The following OR7E24 variants were observed in gnomAD, a reference collection of about 807,000 sequenced individuals.
OR7E24 encodes the protein olfactory receptor family 7 subfamily E member 24.
For missense variants in OR7E24, 385 were observed against 410.3 expected (o/e 0.94, Z 0.53); for synonymous variants, 130 against 157.5 (o/e 0.83, Z 1.31).
chr19:9,232,856 C>T, the OR7E24 span, among the ~76,000 whole-genome samples: 2 of 152,134 alleles, frequency 1.3e-5, no homozygotes, highest in Non-Finnish European at 2.9e-5. Context: ...TGACGGGTAC[C>T]ATGTACACCT....
the OR7E24 span, among the ~76,000 whole-genome samples, chr19:9,241,674 G>A: frequency 6.6e-6 from 1 of 152,308 alleles, no homozygotes; most frequent in East Asian, 1.9e-4. Context: ...TGAGGCAGGA[G>A]AATTGCTTGA....
the OR7E24 span, chr19:9,213,630 T>G: frequency 2.6e-6 from 1 of 386,820 alleles, no homozygotes; most frequent in Admixed American, 4.1e-5. Context: ...CTCAGCTACT[T>G]GAGAGGCTGA....
chr19:9,239,702 T>C, the OR7E24 span, among the ~76,000 whole-genome samples: 11 of 144,894 alleles, frequency 7.6e-5, no homozygotes, highest in Non-Finnish European at 3.0e-5. Flanking sequence ...TTTCTTTTTC[T>C]TTTTCTTTTT....
the OR7E24 span, chr19:9,212,223 A>G: frequency 1.3e-5 from 2 of 152,098 alleles, no homozygotes; most frequent in African/African-American, 4.8e-5. Context: ...TTTCTAAGTT[A>G]TTTTGTTTTA....
At chr19:9,214,048 C>G in the OR7E24 span, 2 of 1,614,114 alleles carry the variant, frequency 1.2e-6, no homozygotes, top group South Asian at 1.1e-5. Context: ...GAATGGGTCA[C>G]AGCAGAACTC....
chr19:9,247,014 A>G (rs774427516), upstream of OR7E24, among the ~76,000 whole-genome samples: 1 of 152,178 alleles, frequency 6.6e-6, no homozygotes, highest in Non-Finnish European at 1.5e-5. Context: ...TGTTGTATTT[A>G]CCATTTTATA....
the OR7E24 span, among the ~76,000 whole-genome samples, chr19:9,239,193 G>A: frequency 6.7e-6 from 1 of 149,234 alleles, no homozygotes; most frequent in Admixed American, 6.7e-5. Context: ...TTTTTGAGAT[G>A]GAGTCTTGCT....
the OR7E24 span, among the ~76,000 whole-genome samples, chr19:9,239,929 G>T: frequency 1.3e-5 from 2 of 151,748 alleles, no homozygotes; most frequent in East Asian, 3.9e-4. Flanking sequence ...GGCTGGTCTC[G>T]AACTGACCTC....
At chr19:9,216,484 C>T in the OR7E24 span, among the ~76,000 whole-genome samples, 20 of 152,292 alleles carry the variant, frequency 1.3e-4, no homozygotes, top group Admixed American at 1.2e-3. Context: ...AGTAAATACT[C>T]CCTATGTGGG....
chr19:9,237,043 C>G, the OR7E24 span, among the ~76,000 whole-genome samples: 2 of 152,310 alleles, frequency 1.3e-5, no homozygotes, highest in Admixed American at 1.3e-4. Context: ...CCACTACTAA[C>G]TTTGCTGACC....
At chr19:9,217,862 TAAGGA>T in the OR7E24 span, among the ~76,000 whole-genome samples, 2 of 151,626 alleles carry the variant, frequency 1.3e-5, no homozygotes, top group Admixed American at 6.6e-5. Flanking sequence ...TTAGGGGAAG[TAAGGA>T]AAGGAAAGGG....
the OR7E24 span, among the ~76,000 whole-genome samples, chr19:9,217,794 C>T: frequency 6.6e-6 from 1 of 152,140 alleles, no homozygotes; most frequent in Non-Finnish European, 1.5e-5. Context: ...CCACCTCGGC[C>T]TCCCAAAATG....
At chr19:9,239,509 C>G in the OR7E24 span, among the ~76,000 whole-genome samples, 1 of 151,912 alleles carries the variant, frequency 6.6e-6, no homozygotes, top group African/African-American at 2.4e-5. Flanking sequence ...CTAACACGTA[C>G]AAGGTGATAT....
At chr19:9,226,603 T>G in the OR7E24 span, among the ~76,000 whole-genome samples, 4 of 152,228 alleles carry the variant, frequency 2.6e-5, no homozygotes, top group East Asian at 7.7e-4. Flanking sequence ...GGCTAAATTG[T>G]GAGAGCTAAA....
upstream of OR7E24, among the ~76,000 whole-genome samples, chr19:9,243,405 T>A (rs958587271): frequency 1.3e-5 from 2 of 151,002 alleles, no homozygotes; most frequent in African/African-American, 4.9e-5. Flanking sequence ...GTACAGTGGC[T>A]CACTGAAATC....
At chr19:9,249,033 G>A (rs1347302087), upstream of OR7E24, among the ~76,000 whole-genome samples, 1 of 152,182 alleles carries the variant, frequency 6.6e-6, no homozygotes, top group Non-Finnish European at 1.5e-5. Context: ...TAAACAGACC[G>A]TGTGTGCTCC....
chr19:9,219,584 G>A, the OR7E24 span: 4 of 152,168 alleles, frequency 2.6e-5, no homozygotes, highest in Non-Finnish European at 4.4e-5. Flanking sequence ...TCTGTTCCTA[G>A]GAAGCCGTAC....
chr19:9,252,056 T>A lies in OR7E24; in HGVS notation c.1013T>A (p.Met338Lys). 6.2e-7 allele frequency: 1 copy of A among 1,612,906 alleles called. No homozygotes were observed. The highest frequency in any genetic ancestry group is 8.5e-7 in the Non-Finnish European group (1 of 1,179,270). Reference sequence around the variant, plus strand: ...CATCATCTCCATCCTTTTTGTTATATGGGATAGAAATGGCAGCAAAATTTA... The same window carrying A: ...CATCATCTCCATCCTTTTTGTTATAAGGGATAGAAATGGCAGCAAAATTTA... The part of the protein sequence containing the change: ...KSHHLHPFCY[M>K]G The change falls in exon 1 of 1, where the codon ATG becomes AAG. Residue 338 changes from methionine to lysine, a missense_variant. Met to Lys is a moderately conservative substitution (Grantham distance 95). Transcript: ENST00000456448.
chr19:9,228,254 T>A, the OR7E24 span, among the ~76,000 whole-genome samples: 1 of 152,228 alleles, frequency 6.6e-6, no homozygotes, highest in Non-Finnish European at 1.5e-5. Context: ...ATTTTATATA[T>A]TGGGGATGTA....
Sources: gnomAD v4.1 joint callset for allele counts (sites outside exome capture counted in the v4.1 genomes callset) on GRCh38, gnomAD v4.1.1 for gene constraint, MANE v1.5 for transcripts, NCBI Gene and HGNC (gene_info 2026-07-23, HGNC 2026-07-21) for gene names.